Variants in WDR20 observed in about 807,000 individuals in gnomAD.
WDR20 encodes WD repeat domain 20.
Under a neutral mutation model 38.7 loss-of-function variants are expected in WDR20, and 3 were observed. The observed-to-expected ratio is 0.08, with a 90% CI of 0.04 to 0.20. The LOEUF is 0.20. Among genes scored for constraint, WDR20 ranks in the 10% least tolerant of loss-of-function variants. WDR20 has a pLI of 1.00. For synonymous variants in WDR20, 298 were observed against 285.6 expected (o/e 1.04, Z -0.44); for missense variants, 559 against 727.7 (o/e 0.77, Z 2.67).
intron 1 of WDR20, among the ~76,000 whole-genome samples, chr14:102,187,736 G>T (rs2065225318): frequency 6.6e-6 from 1 of 152,170 alleles, no homozygotes; most frequent in Admixed American, 6.5e-5. Context: ...CACAGAGCTA[G>T]AGAGGCTGAG....
chr14:102,146,871 G>T (rs1001372432), intron 1 of WDR20, among the ~76,000 whole-genome samples: 1 of 152,130 alleles, frequency 6.6e-6, no homozygotes, highest in Non-Finnish European at 1.5e-5. Context: ...TTTTGTATTA[G>T]ATTTACTTTG....
Position 102,222,907 on chromosome 14 carries a change from T to G in WDR20, c.*24T>G. The G allele has an allele frequency of 6.2e-7, 1 of 1,613,632 alleles. No homozygotes were observed. The highest frequency in any genetic ancestry group is 1.1e-5 in the South Asian group (1 of 91,020). ...AGCGACCTCACTGCTGCGCGCACAGTCTCCCGGGACTTGGACTCGAGGGAG... is the reference window on the plus strand; with the variant it reads ...AGCGACCTCACTGCTGCGCGCACAGGCTCCCGGGACTTGGACTCGAGGGAG... On this transcript the variant is annotated 3_prime_UTR_variant, in exon 4 of 4. Coordinates refer to the WDR20 transcript ENST00000335263. This position sits in a 1 kb window ranked among gnomAD's most constrained non-coding sequence, Gnocchi z 4.4.
downstream of WDR20, chr14:102,213,550 G>A: frequency 2.0e-6 from 2 of 985,416 alleles, no homozygotes; most frequent in South Asian, 9.4e-5. Context: ...GAATTCTGAG[G>A]AAGAAATGCA....
chr14:102,153,063 A>G (rs1304919609), intron 1 of WDR20, among the ~76,000 whole-genome samples: 1 of 152,124 alleles, frequency 6.6e-6, no homozygotes, highest in African/African-American at 2.4e-5. Context: ...ATGGTTTAGC[A>G]CCATCTACTT....
At chr14:102,142,051 G>A (rs1353241810) in intron 1 of WDR20, among the ~76,000 whole-genome samples, 3 of 152,068 alleles carry the variant, frequency 2.0e-5, no homozygotes, top group Admixed American at 1.3e-4. Flanking sequence ...CTCTTTTAGT[G>A]GGACGCTATT....
At chr14:102,206,738 A>G (rs1377035049) in intron 2 of WDR20, among the ~76,000 whole-genome samples, 1 of 152,204 alleles carries the variant, frequency 6.6e-6, no homozygotes. Context: ...CTGGGCGATC[A>G]GGTACAGTTG....
At position 102,202,038 on chromosome 14, in the gene WDR20, A is replaced by G. The variant is rs193291832; in HGVS notation, c.433-6565A>G. Among the ~76,000 whole-genome samples the G allele has an allele frequency of 7.2e-5, 11 of 151,896 alleles. No individual in the cohort carries two copies. The East Asian group carries it at 2.1e-3, about 29-fold the overall frequency. ...CCAGCACCTCCCTTCTGGCCCAGGGAGCAGGTCTCTTCCCTGTCCCTCTCT... is the reference window on the plus strand; with the variant it reads ...CCAGCACCTCCCTTCTGGCCCAGGGGGCAGGTCTCTTCCCTGTCCCTCTCT... On this transcript the variant is annotated intron_variant, in intron 2 of 2. Transcript: ENST00000342702.
At chr14:102,179,259 A>G (rs952047093) in intron 1 of WDR20, among the ~76,000 whole-genome samples, 27 of 151,918 alleles carry the variant, frequency 1.8e-4, no homozygotes, top group African/African-American at 6.0e-4. Context: ...CAGAATTAGG[A>G]GGTATTATAA....
chr14:102,164,883 G>A (rs2059450424), intron 1 of WDR20, among the ~76,000 whole-genome samples: 1 of 152,032 alleles, frequency 6.6e-6, no homozygotes, highest in African/African-American at 2.4e-5. Flanking sequence ...TGTTTCTTGT[G>A]CCTTTTCTCC....
At chr14:102,202,646 C>G (rs1485841665) in intron 2 of WDR20, among the ~76,000 whole-genome samples, 1 of 152,130 alleles carries the variant, frequency 6.6e-6, no homozygotes, top group Non-Finnish European at 1.5e-5. Flanking sequence ...TCCCAAAGTA[C>G]TGGGATTACA....
At chr14:102,181,374 A>G (rs979421503) in intron 1 of WDR20, among the ~76,000 whole-genome samples, 2 of 152,158 alleles carry the variant, frequency 1.3e-5, no homozygotes, top group Non-Finnish European at 2.9e-5. Flanking sequence ...GTGTACTTAC[A>G]GTGAATGAGA....
intron 1 of WDR20, among the ~76,000 whole-genome samples, chr14:102,162,770 C>T (rs1444134610): frequency 1.1e-4 from 17 of 152,120 alleles, no homozygotes; most frequent in Admixed American, 8.5e-4. Flanking sequence ...ATCACCATGC[C>T]CAGCTAATTT....
intron 1 of WDR20, among the ~76,000 whole-genome samples, chr14:102,159,969 G>T (rs898957243): frequency 4.6e-5 from 7 of 152,052 alleles, no homozygotes; most frequent in Non-Finnish European, 1.0e-4. Flanking sequence ...GCCAGGCATG[G>T]TGGTACACAT....
chr14:102,212,588 C>T (rs2062689499), downstream of WDR20: 1 of 1,535,716 alleles, frequency 6.5e-7, no homozygotes, highest in African/African-American at 1.4e-5. Flanking sequence ...ACTAAAAGTG[C>T]CCAACAGCTT....
chr14:102,158,051 T>TG (rs2057829683), intron 1 of WDR20, among the ~76,000 whole-genome samples: 1 of 152,086 alleles, frequency 6.6e-6, no homozygotes, highest in South Asian at 2.1e-4. Flanking sequence ...TCACTGCCAC[T>TG]GTCTCAAGCA....
intron 1 of WDR20, among the ~76,000 whole-genome samples, chr14:102,149,451 A>G (rs879531367): frequency 1.3e-5 from 2 of 152,244 alleles, no homozygotes; most frequent in African/African-American, 2.4e-5. Context: ...TTCTCTGCCT[A>G]GTAGAAGAAT....
intron 1 of WDR20, among the ~76,000 whole-genome samples, chr14:102,158,978 A>G (rs983725876): frequency 1.5e-4 from 22 of 151,498 alleles, no homozygotes; most frequent in Non-Finnish European, 3.1e-4. Context: ...GGTCTCTCTC[A>G]GTCACCCAGA....
Position 102,210,433 on chromosome 14 carries a change from C to T in WDR20, c.*553C>T. On this transcript the variant is annotated 3_prime_UTR_variant, in exon 3 of 3. Transcript: ENST00000342702. ...TGATATTATTTTTACATTGTTCTGG[C>T]AATCCACAGAAAGAGAAGAGCCTTA... 1.0e-6 allele frequency: 1 copy of T among 985,376 alleles called. No homozygotes were observed. The highest frequency in any genetic ancestry group is 4.7e-5 in the South Asian group (1 of 21,284). 61.0% of individuals were successfully genotyped at this position (985,376 alleles called of 1,614,324 possible).
At chr14:102,168,827 C>G (rs887710561) in intron 1 of WDR20, among the ~76,000 whole-genome samples, 1 of 152,106 alleles carries the variant, frequency 6.6e-6, no homozygotes, top group Non-Finnish European at 1.5e-5. Flanking sequence ...CACTACCACC[C>G]TAGTTTAAGG....
Sources: allele counts gnomAD v4.1 joint callset (sites outside exome capture counted in the v4.1 genomes callset), GRCh38; gene constraint gnomAD v4.1.1; non-coding constraint Gnocchi (gnomAD v3.1); transcripts MANE v1.5; gene names NCBI Gene and HGNC (gene_info 2026-07-23, HGNC 2026-07-21).